The following ZBTB20 variants were observed in gnomAD, a reference collection of about 807,000 sequenced individuals.
ZBTB20 encodes the protein zinc finger and BTB domain containing 20.
Under a neutral mutation model 56.9 loss-of-function variants are expected in ZBTB20, and 9 were observed. The ratio of observed to expected loss-of-function variants is 0.16; its 90% CI spans 0.10 to 0.28. ZBTB20 has a LOEUF of 0.28. Among genes scored for constraint, ZBTB20 ranks in the 10% least tolerant of loss-of-function variants. The pLI is 1.00. For missense variants in ZBTB20, 655 were observed against 1,003.0 expected (o/e 0.65, Z 4.69); for synonymous variants, 417 against 420.7 (o/e 0.99, Z 0.11).
intron 2 of ZBTB20, among the ~76,000 whole-genome samples, chr3:115,032,866 G>A (rs946450490): frequency 1.3e-4 from 19 of 148,924 alleles, no homozygotes; most frequent in African/African-American, 4.4e-4. Flanking sequence ...ACAGCAAAAG[G>A]AGTGCTAAGG....
chr3:114,835,969 G>A (rs115013147), intron 4 of ZBTB20, among the ~76,000 whole-genome samples: 1,753 of 152,210 alleles, frequency 0.012, 15 homozygotes, highest in South Asian at 0.041. Flanking sequence ...TATTCTCACT[G>A]CAGAGTTTCT....
At chr3:114,411,325 T>A (rs560777817) in intron 7 of ZBTB20, among the ~76,000 whole-genome samples, 1 of 151,986 alleles carries the variant, frequency 6.6e-6, no homozygotes, top group African/African-American at 2.4e-5. Context: ...GCTCCAGGCA[T>A]CAGTGAGGAC....
At chr3:114,584,413 A>G (rs1222719509) in intron 6 of ZBTB20, among the ~76,000 whole-genome samples, 1 of 152,200 alleles carries the variant, frequency 6.6e-6, no homozygotes, top group Non-Finnish European at 1.5e-5. Context: ...AAGCTGATGA[A>G]ATTCCATTTA....
At chr3:115,007,606 A>G (rs2079530861) in intron 2 of ZBTB20, among the ~76,000 whole-genome samples, 1 of 151,882 alleles carries the variant, frequency 6.6e-6, no homozygotes, top group South Asian at 2.1e-4. Context: ...ATACATAAAA[A>G]TAAGCATACA....
At chr3:114,985,988 C>T (rs2078523262) in intron 2 of ZBTB20, among the ~76,000 whole-genome samples, 1 of 152,024 alleles carries the variant, frequency 6.6e-6, no homozygotes, top group African/African-American at 2.4e-5. Flanking sequence ...ACTTTGTTTA[C>T]AGAAGGGGGT....
At chr3:114,465,002 A>C (rs2109179554) in intron 7 of ZBTB20, among the ~76,000 whole-genome samples, 1 of 151,686 alleles carries the variant, frequency 6.6e-6, no homozygotes, top group Admixed American at 6.6e-5. Flanking sequence ...CCCAACCCCC[A>C]CACACTCCCT....
At chr3:114,842,219 C>T (rs2107326717) in intron 4 of ZBTB20, among the ~76,000 whole-genome samples, 1 of 152,208 alleles carries the variant, frequency 6.6e-6, no homozygotes, top group East Asian at 1.9e-4. Flanking sequence ...CTCCTTATAG[C>T]TTCTTCTTTG....
Position 115,031,884 on chromosome 3 carries a change from A to G in ZBTB20, c.-507+39335T>C, listed in dbSNP as rs140157278. Among the ~76,000 whole-genome samples the G allele has an allele frequency of 4.0e-5, 6 of 151,548 alleles. No individual in the cohort carries two copies. The East Asian group carries it at 5.8e-4, about 15-fold the overall frequency. On this transcript the variant is annotated intron_variant, in intron 2 of 11. Transcript: ENST00000675478. ...TTGATATTAAGTGGGCTTAAATGTA[A>G]TAAGTTTTAGAGGTCACTAGTCAAC...
At position 114,426,337 on chromosome 3, in the gene ZBTB20, CAAAAAAAAAAAAA is replaced by C. The variant is rs60778829; in HGVS notation, c.-254-37245_-254-37233del. On this transcript the variant is annotated intron_variant, in intron 7 of 11. Transcript: ENST00000675478. ...TGGGTGACAGAGCAAGACTCCATCT[CAAAAAAAAAAAAA>C]AAAAAAAAAAAAAAAAAAAAATTGC... is the stretch of plus-strand genomic sequence containing the variant. 5.8e-4 allele frequency among the ~76,000 whole-genome samples: 64 copies of C among 109,508 alleles called. 1 individual carries two copies. Among genetic ancestry groups the C allele is most frequent in the South Asian group, 3.1e-3 (10 of 3,276 alleles). The allele number at this position is 109,508 out of a possible 152,430, so 71.8% of individuals were successfully genotyped here. A position where few individuals can be genotyped will look rare whatever the true frequency, so the allele number is the denominator to read the frequency against.
chr3:114,346,119 C>G (rs2462781), intron 11 of ZBTB20, among the ~76,000 whole-genome samples: 150,002 of 152,316 alleles, frequency 0.98, 73,871 homozygotes, highest in East Asian at 1. Context: ...GTTAGGTGAG[C>G]AATTTTCTTT....
intron 6 of ZBTB20, among the ~76,000 whole-genome samples, chr3:114,674,914 T>C (rs1156858169): frequency 1.3e-5 from 2 of 151,664 alleles, no homozygotes; most frequent in African/African-American, 4.8e-5. Flanking sequence ...GTTTTCTGCC[T>C]TCAAAGGGTC....
intron 2 of ZBTB20, among the ~76,000 whole-genome samples, chr3:115,059,055 T>C (rs920913520): frequency 3.3e-5 from 5 of 152,192 alleles, no homozygotes; most frequent in Non-Finnish European, 7.3e-5. Flanking sequence ...CACTCATTTC[T>C]CTCCTGATCA....
At chr3:114,442,828 A>G (rs2091018336) in intron 7 of ZBTB20, among the ~76,000 whole-genome samples, 2 of 152,096 alleles carry the variant, frequency 1.3e-5, no homozygotes, top group African/African-American at 4.8e-5. Context: ...CCATACATTT[A>G]ATGTTATATC....
intron 6 of ZBTB20, among the ~76,000 whole-genome samples, chr3:114,533,043 T>A (rs190165843): frequency 6.6e-6 from 1 of 151,876 alleles, no homozygotes; most frequent in Non-Finnish European, 1.5e-5. Context: ...AAAAACCAGC[T>A]TAAAAAGGCT....
At chr3:115,016,552 C>A (rs1167587479) in intron 2 of ZBTB20, among the ~76,000 whole-genome samples, 1 of 151,764 alleles carries the variant, frequency 6.6e-6, no homozygotes, top group Admixed American at 6.6e-5. Context: ...TCTCCCAGTA[C>A]CATTTATTAG....
intron 3 of ZBTB20, among the ~76,000 whole-genome samples, chr3:114,903,929 A>G (rs773823422): frequency 1.7e-4 from 26 of 152,150 alleles, no homozygotes; most frequent in Admixed American, 5.2e-4. Context: ...CTGGGAAGAC[A>G]GAAATGGATG....
chr3:114,599,639 T>C (rs529825735), intron 6 of ZBTB20, among the ~76,000 whole-genome samples: 1 of 152,212 alleles, frequency 6.6e-6, no homozygotes, highest in Admixed American at 6.6e-5. Context: ...TATTGGTTGC[T>C]TTCTATAGGT....
chr3:114,778,680 T>C (rs1477590918), intron 5 of ZBTB20, among the ~76,000 whole-genome samples: 1 of 151,900 alleles, frequency 6.6e-6, no homozygotes, highest in Non-Finnish European at 1.5e-5. Flanking sequence ...ACTGAGAAAA[T>C]CAAGTAGAAA....
intron 2 of ZBTB20, among the ~76,000 whole-genome samples, chr3:115,040,081 AT>A (rs967501216): frequency 6.6e-6 from 1 of 152,144 alleles, no homozygotes; most frequent in African/African-American, 2.4e-5. Flanking sequence ...CACCATAAAT[AT>A]ATACAATTTC....
Sources: allele counts gnomAD v4.1 joint callset (sites outside exome capture counted in the v4.1 genomes callset), GRCh38; gene constraint gnomAD v4.1.1; transcripts MANE v1.5; gene names NCBI Gene and HGNC (gene_info 2026-07-23, HGNC 2026-07-21).